CADM1: variants seen among roughly 807,000 people sequenced by gnomAD.
CADM1 encodes the protein TSLC-1.
In CADM1, 15 loss-of-function variants were observed where a neutral mutation model predicts 53.1. The ratio of observed to expected loss-of-function variants is 0.28; its 90% CI spans 0.19 to 0.44. The LOEUF is 0.44. CADM1 is among the 20% of genes least tolerant of loss of function. The probability of loss-of-function intolerance (pLI) is 1.00; values close to 1 mark genes in which losing one functional copy is unlikely to be tolerated. For synonymous variants in CADM1, 281 were observed against 243.0 expected (o/e 1.16, Z -1.45); for missense variants, 434 against 611.3 (o/e 0.71, Z 3.06).
chr11:115,330,193 T>C (rs1054661586), intron 1 of CADM1, among the ~76,000 whole-genome samples: 15 of 152,144 alleles, frequency 9.9e-5, no homozygotes, highest in Admixed American at 9.8e-4. Context: ...GGATGAATTT[T>C]CTAAGTACAG....
intron 1 of CADM1, among the ~76,000 whole-genome samples, chr11:115,304,931 G>C (rs1169233924): frequency 6.6e-6 from 1 of 151,910 alleles, no homozygotes; most frequent in African/African-American, 2.4e-5. Flanking sequence ...GTAAACAATG[G>C]CAAAAACCTA....
intron 1 of CADM1, among the ~76,000 whole-genome samples, chr11:115,318,652 AAGATGACGGC>A (rs1944739407): frequency 6.6e-6 from 1 of 152,202 alleles, no homozygotes; most frequent in African/African-American, 2.4e-5. Flanking sequence ...AAGGCAAGGA[AAGATGACGGC>A]TTGAATTCAG....
chr11:115,442,720 A>G (rs995878563), intron 1 of CADM1, among the ~76,000 whole-genome samples: 1 of 152,174 alleles, frequency 6.6e-6, no homozygotes, highest in Admixed American at 6.6e-5. Flanking sequence ...CCCAGTAAAG[A>G]GCTTGACTAA....
At chr11:115,303,919 C>T in intron 1 of CADM1, among the ~76,000 whole-genome samples, 1 of 152,056 alleles carries the variant, frequency 6.6e-6, no homozygotes, top group East Asian at 1.9e-4. Context: ...CCTTCCTATA[C>T]AATCCCCTAG....
chr11:115,404,346 AATATATATAT>A (rs869231204), intron 1 of CADM1, among the ~76,000 whole-genome samples: 198 of 33,590 alleles, frequency 5.9e-3, no homozygotes, highest in South Asian at 8.2e-3. Flanking sequence ...AAAAAAAAAA[AATATATATAT>A]ATATATATAT....
At chr11:115,433,603 A>G (rs1266932791) in intron 1 of CADM1, among the ~76,000 whole-genome samples, 8 of 152,238 alleles carry the variant, frequency 5.3e-5, no homozygotes, top group Admixed American at 4.6e-4. Flanking sequence ...TGAGTTACAC[A>G]GGATCCTCAA....
intron 1 of CADM1, among the ~76,000 whole-genome samples, chr11:115,409,645 AT>A: frequency 6.6e-6 from 1 of 152,194 alleles, no homozygotes; most frequent in African/African-American, 2.4e-5. Context: ...GGTGGTCAAA[AT>A]AATCCACGGA....
intron 1 of CADM1, among the ~76,000 whole-genome samples, chr11:115,339,442 T>C (rs1014265804): frequency 6.6e-6 from 1 of 152,140 alleles, no homozygotes; most frequent in Non-Finnish European, 1.5e-5. Flanking sequence ...TGGAATACTA[T>C]GCAGCCATAA....
chr11:115,294,853 G>A (rs1413199893), intron 1 of CADM1, among the ~76,000 whole-genome samples: 1 of 152,026 alleles, frequency 6.6e-6, no homozygotes, highest in African/African-American at 2.4e-5. Context: ...TGGCCAACAT[G>A]GTGAAACTCC....
intron 1 of CADM1, among the ~76,000 whole-genome samples, chr11:115,249,838 A>G (rs1942532834): frequency 6.6e-6 from 1 of 152,238 alleles, no homozygotes. Flanking sequence ...CTTCTACTTT[A>G]ATGGATACTT....
chr11:115,311,175 C>T (rs1482039725), intron 1 of CADM1, among the ~76,000 whole-genome samples: 2 of 151,934 alleles, frequency 1.3e-5, no homozygotes, highest in Admixed American at 6.6e-5. Flanking sequence ...CGATTTCTGT[C>T]GAAATGAACT....
intron 9 of CADM1, among the ~76,000 whole-genome samples, chr11:115,191,197 A>G (rs1043615953): frequency 5.9e-5 from 9 of 152,226 alleles, no homozygotes; most frequent in Non-Finnish European, 8.8e-5. Context: ...AATGCTTAAA[A>G]TCACTCATTC....
intron 7 of CADM1, among the ~76,000 whole-genome samples, chr11:115,210,459 T>A (rs1405424203): frequency 6.6e-6 from 1 of 152,170 alleles, no homozygotes; most frequent in Non-Finnish European, 1.5e-5. Context: ...ATATTTGATA[T>A]ACTGTATATT....
At chr11:115,370,856 A>G (rs1160078349) in intron 1 of CADM1, among the ~76,000 whole-genome samples, 2 of 152,240 alleles carry the variant, frequency 1.3e-5, no homozygotes, top group African/African-American at 2.4e-5. Flanking sequence ...CAACTCAGCT[A>G]TTAAAGAATT....
Position 115,190,762 on chromosome 11 carries a change from AT to A in CADM1, c.1165+125del, listed in dbSNP as rs1939809810. The A allele has an allele frequency of 7.2e-6, 5 of 693,702 alleles. No homozygotes were observed. The Admixed American group carries it at 1.2e-4, about 17-fold the overall frequency. The allele number at this position is 693,702 out of a possible 1,614,324, so 43.0% of individuals were successfully genotyped here. ...GGGGAGGAAGACAGTATTGATACAA[AT>A]TTGTTTTTTGTTAGTCTCAAAATCC... On this transcript the variant is annotated intron_variant, in intron 10 of 11. Transcript: ENST00000331581.
At chr11:115,396,318 T>C (rs996944014) in intron 1 of CADM1, among the ~76,000 whole-genome samples, 4 of 152,164 alleles carry the variant, frequency 2.6e-5, no homozygotes, top group African/African-American at 9.7e-5. Context: ...GAAAAAATGG[T>C]GTATCAATTT....
rs369649027 is a variant in CADM1, at chr11:115,438,647, G to C, written c.124+65624C>G. Among the ~76,000 whole-genome samples, 198 of 152,258 alleles carry C rather than the reference G, an allele frequency of 1.3e-3. 1 individual carries two copies. Among genetic ancestry groups the C allele is most frequent in the African/African-American group, 4.3e-3 (178 of 41,558 alleles). ...CAGCTTTCATTAAAATGATCATTTA[G>C]AATTTTTAGTAGGCTACATTTTCTA... On this transcript the variant is annotated intron_variant, in intron 1 of 11. Coordinates refer to ENST00000331581, the MANE Select transcript of CADM1 (RefSeq NM_001301043.2).
At position 115,214,473 on chromosome 11, in the gene CADM1, C is replaced by T. The variant is rs1941090953; in HGVS notation, c.994+135G>A. ...GGAGACACTAGGGTCCACCTCAGGC[C>T]AGGCTTCTTTAAGTTCTAGAAGGAA... On this transcript the variant is annotated intron_variant, in intron 7 of 11. Transcript: ENST00000331581. The T allele has an allele frequency of 4.8e-6, 4 of 824,974 alleles. No homozygotes were observed. The Admixed American group carries it at 8.1e-5, about 17-fold the overall frequency. 51.1% of individuals were successfully genotyped at this position (824,974 alleles called of 1,614,324 possible).
chr11:115,369,350 A>G (rs545003682), intron 1 of CADM1, among the ~76,000 whole-genome samples: 6 of 152,190 alleles, frequency 3.9e-5, no homozygotes, highest in Non-Finnish European at 8.8e-5. Flanking sequence ...AAACTCTCCT[A>G]GGATTCTATG....
Sources: gnomAD v4.1 joint callset for allele counts (sites outside exome capture counted in the v4.1 genomes callset) on GRCh38, gnomAD v4.1.1 for gene constraint, MANE v1.5 for transcripts, NCBI Gene and HGNC (gene_info 2026-07-23, HGNC 2026-07-21) for gene names.